The following PCNX2 variants were observed in gnomAD, a reference collection of about 807,000 sequenced individuals.
PCNX2 encodes the protein pecanex-like protein 2.
In PCNX2, 168 loss-of-function variants were observed where a neutral mutation model predicts 223.8. That is an observed-to-expected ratio of 0.75 (90% confidence interval 0.66 to 0.85). The LOEUF is 0.85. PCNX2 is among the 40% of genes least tolerant of loss of function. The pLI is 0.00. For missense variants in PCNX2, 2,507 were observed against 2,675.5 expected (o/e 0.94, Z 1.39); for synonymous variants, 1,006 against 1,052.6 (o/e 0.96, Z 0.86).
intron 20 of PCNX2, among the ~76,000 whole-genome samples, chr1:233,136,104 C>A (rs1329698584): frequency 6.6e-6 from 1 of 152,210 alleles, no homozygotes; most frequent in Admixed American, 6.5e-5. Flanking sequence ...AGAGAGCAGG[C>A]AAGTGCCTTC....
At chr1:233,202,311 C>G in intron 13 of PCNX2, 1 of 371,492 alleles carries the variant, frequency 2.7e-6, no homozygotes, top group Middle Eastern at 3.8e-4. Flanking sequence ...CCTCTCACTT[C>G]TTCCTAACTT....
chr1:233,161,966 A>G (rs1463364974), intron 17 of PCNX2, among the ~76,000 whole-genome samples: 1 of 148,104 alleles, frequency 6.8e-6, no homozygotes, highest in Non-Finnish European at 1.5e-5. Context: ...TTTTTTATAT[A>G]TATATATATT....
intron 10 of PCNX2, 87 bp from the exon 11 acceptor site, chr1:233,218,271 T>C (rs701182): frequency 0.15 from 150,796 of 1,033,322 alleles, 18,779 homozygotes; most frequent in African/African-American, 0.52. Flanking sequence ...TTTTCTGAGA[T>C]GGAATCTTGC....
intron 21 of PCNX2, among the ~76,000 whole-genome samples, chr1:233,116,495 GA>G (rs1675417097): frequency 6.6e-6 from 1 of 152,014 alleles, no homozygotes; most frequent in African/African-American, 2.4e-5. Flanking sequence ...ATGAATAATA[GA>G]AAGATAACAC....
At chr1:233,260,382 C>T (rs1207703378) in intron 4 of PCNX2, among the ~76,000 whole-genome samples, 1 of 152,100 alleles carries the variant, frequency 6.6e-6, no homozygotes, top group Non-Finnish European at 1.5e-5. Context: ...TTATAGCACA[C>T]CTAATCTGGA....
At chr1:233,213,773 T>C (rs1423370076) in intron 12 of PCNX2, among the ~76,000 whole-genome samples, 1 of 148,540 alleles carries the variant, frequency 6.7e-6, no homozygotes, top group African/African-American at 2.5e-5. Flanking sequence ...TAGTATACGC[T>C]AAAGCCTGCA....
At chr1:233,164,586 A>G (rs1678679150) in intron 17 of PCNX2, among the ~76,000 whole-genome samples, 1 of 151,388 alleles carries the variant, frequency 6.6e-6, no homozygotes, top group South Asian at 2.1e-4. Flanking sequence ...CACATTTTAT[A>G]TATGATACCA....
chr1:233,231,896 T>G (rs184935524), intron 9 of PCNX2, among the ~76,000 whole-genome samples: 1 of 152,316 alleles, frequency 6.6e-6, no homozygotes, highest in Non-Finnish European at 1.5e-5. Flanking sequence ...CAAGTTCCAG[T>G]ACTCTCTGCA....
At chr1:233,046,157 T>C (rs1023296693) in intron 25 of PCNX2, among the ~76,000 whole-genome samples, 1 of 152,242 alleles carries the variant, frequency 6.6e-6, no homozygotes, top group African/African-American at 2.4e-5. Flanking sequence ...AGTCAGAATC[T>C]ATCCTGTGAA....
At chr1:233,138,548 T>C (rs1343162873) in intron 20 of PCNX2, among the ~76,000 whole-genome samples, 1 of 152,198 alleles carries the variant, frequency 6.6e-6, no homozygotes, top group Non-Finnish European at 1.5e-5. Flanking sequence ...GACTGTACCA[T>C]ACTGGGAATC....
rs529342907 is a variant in PCNX2, at chr1:233,028,309, T to C, written c.4352-2910A>G. ...CTAATATTTTTGTGTGAATTTTCTA[T>C]CACTTATTGAAGCTATAGTGTTAAT... On this transcript the variant is annotated intron_variant, in intron 25 of 33. Coordinates refer to ENST00000258229, the MANE Select transcript of PCNX2 (RefSeq NM_014801.4). Among the ~76,000 whole-genome samples, 7 of 152,356 alleles carry C rather than the reference T, an allele frequency of 4.6e-5. No homozygotes were observed. The South Asian group carries it at 1.4e-3, about 32-fold the overall frequency.
intron 15 of PCNX2, among the ~76,000 whole-genome samples, chr1:233,192,035 G>A (rs1282699777): frequency 3.3e-5 from 5 of 152,156 alleles, no homozygotes; most frequent in Admixed American, 6.5e-5. Flanking sequence ...AACTAGTAGT[G>A]TATTACTGAA....
rs1038035499 is a variant in PCNX2, at chr1:233,295,650, T to G, written c.-172A>C. The G allele has an allele frequency of 1.8e-5, 13 of 703,132 alleles. No homozygotes were observed. In the African/African-American group the frequency reaches 1.9e-4, roughly 10 times the overall value. The allele number at this position is 703,132 out of a possible 1,614,324, so 43.6% of individuals were successfully genotyped here. On this transcript the variant is annotated 5_prime_UTR_variant, in exon 1 of 34. Transcript: ENST00000258229. The surrounding 1 kb of genome is among the most constrained non-coding windows in gnomAD (Gnocchi z 4.1). ...CCCACGTTTGAAGCTGGAGCTGCTC[T>G]TCCGCCCGGACCCGCGAACCGCGGC... is the stretch of plus-strand genomic sequence containing the variant.
At chr1:233,289,509 A>G (rs1661638409) in intron 1 of PCNX2, 11 of 732,444 alleles carry the variant, frequency 1.5e-5, no homozygotes, top group Non-Finnish European at 2.7e-5. Flanking sequence ...ATGCCTTTTA[A>G]GCAACTCCAT....
chr1:232,990,305 G>A lies in PCNX2; in HGVS notation c.5792-3765C>T, dbSNP rs532077382. Among the ~76,000 whole-genome samples the A allele has an allele frequency of 6.6e-6, 1 of 152,266 alleles. No individual in the cohort carries two copies. The highest frequency in any genetic ancestry group is 1.9e-4 in the East Asian group (1 of 5,166). ...TGGAACCTGGGCTACCTGCACACTG[G>A]GTCTCAGGTGCAGTGTCTTGAGGGG... On this transcript the variant is annotated intron_variant, in intron 32 of 33. Coordinates refer to ENST00000258229, the MANE Select transcript of PCNX2 (RefSeq NM_014801.4). This position sits in a 1 kb window ranked among gnomAD's most constrained non-coding sequence, Gnocchi z 4.3.
intron 1 of PCNX2, chr1:233,288,819 T>G (rs1661590391): frequency 1.3e-6 from 1 of 752,764 alleles, no homozygotes; most frequent in Non-Finnish European, 2.1e-6. Flanking sequence ...TTTTTTTTTT[T>G]TTTTTTTACT....
At chr1:233,038,148 T>C (rs1003242918) in intron 25 of PCNX2, among the ~76,000 whole-genome samples, 1 of 152,238 alleles carries the variant, frequency 6.6e-6, no homozygotes, top group African/African-American at 2.4e-5. Flanking sequence ...CCTGAATTTA[T>C]TTATTTTCAA....
intron 21 of PCNX2, among the ~76,000 whole-genome samples, chr1:233,105,365 T>C (rs1018714008): frequency 2.6e-5 from 4 of 152,144 alleles, no homozygotes; most frequent in African/African-American, 9.7e-5. Flanking sequence ...TTCATAAACA[T>C]CCCTTACAAA....
chr1:233,025,086 C>A (rs1038662584), intron 26 of PCNX2, 60 bp downstream of exon 26: 1 of 1,588,414 alleles, frequency 6.3e-7, no homozygotes, highest in Non-Finnish European at 8.6e-7. Context: ...AGAGCTCTTT[C>A]GGAGCTTCCT....
Sources: allele counts gnomAD v4.1 joint callset (sites outside exome capture counted in the v4.1 genomes callset), GRCh38; gene constraint gnomAD v4.1.1; non-coding constraint Gnocchi (gnomAD v3.1); transcripts MANE v1.5; gene names NCBI Gene and HGNC (gene_info 2026-07-23, HGNC 2026-07-21).